HLA-DRB1: variants seen among roughly 807,000 people sequenced by gnomAD.
HLA-DRB1 encodes the protein major histocompatibility complex, class II, DR beta 1.
A neutral mutation model predicts 27.9 loss-of-function variants in HLA-DRB1; 10 were observed. The ratio of observed to expected loss-of-function variants is 0.36; its 90% CI spans 0.22 to 0.61. The LOEUF (loss-of-function observed/expected upper bound fraction) is 0.61, where lower values mean the gene tolerates loss of function less well. Among genes scored for constraint, HLA-DRB1 ranks in the 20% least tolerant of loss-of-function variants. The pLI is 0.73. For synonymous variants in HLA-DRB1, 57 were observed against 126.7 expected, an observed-to-expected ratio of 0.45 and a Z score of 3.69; for missense variants, 118 against 306.3, an observed-to-expected ratio of 0.39 and a Z score of 4.59.
chr6:32,589,385 A>G (rs1777019501), intron 1 of HLA-DRB1, among the ~76,000 whole-genome samples: 1 of 139,106 alleles, frequency 7.2e-6, no homozygotes, highest in African/African-American at 2.8e-5. Context: ...GACCCTGAGG[A>G]CATGTGATGC....
At chr6:32,589,215 GAA>G (rs1776993948) in intron 1 of HLA-DRB1, among the ~76,000 whole-genome samples, 1 of 95,864 alleles carries the variant, frequency 1.0e-5, no homozygotes, top group African/African-American at 4.5e-5. Context: ...GTCCTGTGGG[GAA>G]CCTAACACTG....
chr6:32,585,893 A>G (rs372309258), intron 1 of HLA-DRB1, among the ~76,000 whole-genome samples: 126 of 132,384 alleles, frequency 9.5e-4, no homozygotes, highest in East Asian at 1.4e-3. Context: ...CAACAGGATC[A>G]TTATTGAAAT....
At chr6:32,582,928 A>C (rs28724023) in intron 2 of HLA-DRB1, among the ~76,000 whole-genome samples, 4,937 of 104,378 alleles carry the variant, frequency 0.047, no homozygotes, top group Admixed American at 0.084. Flanking sequence ...CAGATTTCAG[A>C]TGGATTGTAG....
At chr6:32,589,811 C>G (rs878991912) in exon 1 of HLA-DRB1, 2 of 435,314 alleles carry the variant, frequency 4.6e-6, no homozygotes, top group Non-Finnish European at 3.7e-6. Context: ...ACTATGAACC[C>G]CTCCACCCAC....
intron 1 of HLA-DRB1, among the ~76,000 whole-genome samples, chr6:32,585,077 C>T (rs115611025): frequency 0.42 from 37,409 of 89,742 alleles, 10,767 homozygotes; most frequent in African/African-American, 0.43. Context: ...TCTAGCCCAA[C>T]TTGCTAGTCA....
At chr6:32,589,216 AACCTAACACT>A (rs1776994639) in intron 1 of HLA-DRB1, among the ~76,000 whole-genome samples, 1 of 119,882 alleles carries the variant, frequency 8.3e-6, no homozygotes, top group Non-Finnish European at 1.7e-5. Flanking sequence ...TCCTGTGGGG[AACCTAACACT>A]GGATCGTCTA....
At chr6:32,585,032 C>T (rs1352775629) in intron 1 of HLA-DRB1, among the ~76,000 whole-genome samples, 7,180 of 62,176 alleles carry the variant, frequency 0.12, 903 homozygotes, top group Non-Finnish European at 0.12. Flanking sequence ...ATCTGAAATT[C>T]AGATTTCACT....
intron 1 of HLA-DRB1, among the ~76,000 whole-genome samples, chr6:32,585,886 C>T (rs34700166): frequency 2.4e-4 from 26 of 109,472 alleles, no homozygotes; most frequent in South Asian, 6.0e-4. Flanking sequence ...ACAGATACAA[C>T]AGGATCATTA....
At chr6:32,582,144 C>A (rs1775629513) in intron 2 of HLA-DRB1, among the ~76,000 whole-genome samples, 1 of 121,760 alleles carries the variant, frequency 8.2e-6, no homozygotes, top group Non-Finnish European at 1.7e-5. Context: ...ATATTTGAGC[C>A]AGGTTGCCTG....
chr6:32,584,506 C>T (rs1266106975), intron 1 of HLA-DRB1, 128 bp from the exon 2 acceptor site: 2 of 628,974 alleles, frequency 3.2e-6, no homozygotes, highest in African/African-American at 1.8e-5. Context: ...CCCGCAACGC[C>T]CACCACCTGC....
chr6:32,580,719 G>A (rs143301167), intron 4 of HLA-DRB1, 27 bp downstream of exon 4: 137,573 of 1,433,946 alleles, frequency 0.096, 1 homozygote, highest in Non-Finnish European at 0.11. Flanking sequence ...AGCCTATGGA[G>A]AGAGCCAGCT....
At position 32,580,277 on chromosome 6, in the gene HLA-DRB1, A is replaced by G. The variant is rs141267330; in HGVS notation, c.764-7T>C. On this transcript the variant is annotated splice_polypyrimidine_tract_variant and splice_region_variant and intron_variant, in intron 4 of 5. Coordinates refer to ENST00000360004, the Ensembl canonical transcript of HLA-DRB1. Reference sequence around the variant, plus strand: ...GGCTGAAGTCCAGAGTGTCCTGGGAAAAAGAGGAAAAGATATACACTTAAA... The same window carrying G: ...GGCTGAAGTCCAGAGTGTCCTGGGAGAAAGAGGAAAAGATATACACTTAAA... The G allele has an allele frequency of 4.8e-3, 4,883 of 1,023,408 alleles. 716 individuals are homozygous for G. In the Admixed American group the frequency reaches 0.097, roughly 20 times the overall value. 63.4% of individuals were successfully genotyped at this position (1,023,408 alleles called of 1,614,324 possible). A position where few individuals can be genotyped will look rare whatever the true frequency, so the allele number is the denominator to read the frequency against.
At chr6:32,586,597 A>C (rs1479113097) in intron 1 of HLA-DRB1, among the ~76,000 whole-genome samples, 5 of 52,150 alleles carry the variant, frequency 9.6e-5, no homozygotes, top group African/African-American at 1.6e-4. Context: ...CTCCCTATGT[A>C]TCCTCTTCCA....
At chr6:32,589,441 GGCC>G (rs1777035102) in intron 1 of HLA-DRB1, among the ~76,000 whole-genome samples, 199 bp downstream of exon 1, 1 of 43,918 alleles carries the variant, frequency 2.3e-5, no homozygotes, top group Non-Finnish European at 4.9e-5. Flanking sequence ...TTTGTGCAAA[GGCC>G]CCTTACACAA....
rs41284740 is a variant in HLA-DRB1 at position 32,583,736 on chromosome 6, C to T, written c.370+373G>A. ...CCCCAACCACACACACCTTACATTTCCCTTCCCTGCATCTCTAAGGACCGA... is the reference window on the plus strand; with the variant it reads ...CCCCAACCACACACACCTTACATTTTCCTTCCCTGCATCTCTAAGGACCGA... On this transcript the variant is annotated intron_variant, in intron 2 of 5. Transcript: ENST00000360004. Among the ~76,000 whole-genome samples, 102 of 41,034 alleles carry T rather than the reference C, an allele frequency of 2.5e-3. 2 individuals are homozygous for T. The highest frequency in any genetic ancestry group is 3.4e-3 in the South Asian group (5 of 1,462). 26.9% of individuals were successfully genotyped at this position (41,034 alleles called of 152,430 possible).
At position 32,589,582 on chromosome 6, in the gene HLA-DRB1, T is replaced by A. The variant is rs1213326940; in HGVS notation, c.100+61A>T. 3 of 430,484 alleles carry A rather than the reference T, an allele frequency of 7.0e-6. No homozygotes were observed. In the African/African-American group the frequency reaches 1.5e-4, roughly 21 times the overall value. The allele number at this position is 430,484 out of a possible 1,614,324, so 26.7% of individuals were successfully genotyped here. The stretch of plus-strand genomic sequence containing the variant: ...TAAGGGACATGGCCTGGGCACAATG[T>A]TAACAAAACTCCCTATTTTCCCCAC... On this transcript the variant is annotated intron_variant, in intron 1 of 5. Coordinates refer to ENST00000360004, the Ensembl canonical transcript of HLA-DRB1.
chr6:32,582,387 A>G (rs9269841), intron 2 of HLA-DRB1, among the ~76,000 whole-genome samples: 84,308 of 105,392 alleles, frequency 0.8, 35,760 homozygotes, highest in Middle Eastern at 0.87. Flanking sequence ...ATCACACTTG[A>G]GTGCTCCACT....
chr6:32,584,755 C>A (rs9269985), intron 1 of HLA-DRB1, among the ~76,000 whole-genome samples: 18,073 of 65,764 alleles, frequency 0.27, 1,722 homozygotes, highest in East Asian at 0.33. Context: ...CCGGTACCTT[C>A]AACAGCACCC....
At chr6:32,581,394 C>T (rs796386558) in intron 3 of HLA-DRB1, among the ~76,000 whole-genome samples, 163 bp downstream of exon 3, 1,619 of 62,182 alleles carry the variant, frequency 0.026, no homozygotes, top group East Asian at 0.043. Flanking sequence ...ACAGGTGTTT[C>T]TAGAAACACC....
Sources: gnomAD v4.1 joint callset for allele counts (sites outside exome capture counted in the v4.1 genomes callset) on GRCh38, gnomAD v4.1.1 for gene constraint, MANE v1.5 for transcripts, NCBI Gene and HGNC (gene_info 2026-07-23, HGNC 2026-07-21) for gene names.